DCHS2: variants seen among roughly 807,000 people sequenced by gnomAD.
DCHS2 encodes the protein protocadherin-23.
Under a neutral mutation model 182.4 loss-of-function variants are expected in DCHS2, and 142 were observed. That is an observed-to-expected ratio of 0.78 (90% confidence interval 0.68 to 0.89). The LOEUF is 0.89. Ranked by LOEUF, DCHS2 falls within the 40% of genes least tolerant of loss-of-function variation. The pLI is 0.00. For synonymous variants in DCHS2, 1,740 were observed against 1,663.3 expected, an observed-to-expected ratio of 1.05 and a Z score of -1.12; for missense variants, 4,319 against 4,198.6, an observed-to-expected ratio of 1.03 and a Z score of -0.79.
In DCHS2 at chr4:154,298,357, G is replaced by A; in HGVS notation, c.5957C>T (p.Ser1986Leu). The change falls in exon 13 of 20, where the codon TCA becomes TTA. Residue 1986 changes from serine (S) to leucine (L), a missense_variant. Physicochemically the swap from Ser to Leu is moderately radical, Grantham distance 145. Coordinates refer to ENST00000357232, the MANE Select transcript of DCHS2 (RefSeq NM_001358235.2). The part of the protein sequence containing the change: ...ASGAFTIDPM[S>L]GTLKTSNTLD... ...GGTGTTGCTGGTTTTCAATGTGCCT[G>A]ACATAGGATCAATGGTGAATGCACC... is the stretch of plus-strand genomic sequence containing the variant. The A allele has an allele frequency of 6.2e-7, 1 of 1,614,138 alleles. No homozygotes were observed. Among genetic ancestry groups the A allele is most frequent in the African/African-American group, 1.3e-5 (1 of 75,046 alleles).
intron 9 of DCHS2, among the ~76,000 whole-genome samples, chr4:154,318,218 G>A (rs1006502994): frequency 4.0e-5 from 6 of 150,622 alleles, no homozygotes; most frequent in South Asian, 2.1e-4. Flanking sequence ...ATATGCATAC[G>A]TATATATACG....
At chr4:154,403,025 T>C (rs921756769) in intron 1 of DCHS2, among the ~76,000 whole-genome samples, 1 of 152,260 alleles carries the variant, frequency 6.6e-6, no homozygotes, top group Non-Finnish European at 1.5e-5. Flanking sequence ...ATTGACCTTG[T>C]ATCCTCACAT....
chr4:154,422,817 C>T (rs1733166864), intron 1 of DCHS2, among the ~76,000 whole-genome samples: 1 of 152,112 alleles, frequency 6.6e-6, no homozygotes, highest in African/African-American at 2.4e-5. Flanking sequence ...CCCTTTCTGC[C>T]TGGAATTCTC....
intron 14 of DCHS2, among the ~76,000 whole-genome samples, chr4:154,265,225 C>T (rs1733185057): frequency 6.6e-6 from 1 of 151,916 alleles, no homozygotes; most frequent in African/African-American, 2.4e-5. Context: ...CATTTTTTTT[C>T]ATTTACCGTA....
At chr4:154,398,855 A>G (rs1302364553) in intron 1 of DCHS2, among the ~76,000 whole-genome samples, 1 of 152,230 alleles carries the variant, frequency 6.6e-6, no homozygotes, top group East Asian at 1.9e-4. Flanking sequence ...ATTCTACTAA[A>G]TAGAGGATTA....
At position 154,234,894 on chromosome 4, in the gene DCHS2, T is replaced by C. The variant is rs1731380661; in HGVS notation, c.9758A>G (p.Asp3253Gly). 1 of 1,613,922 alleles carries C rather than the reference T, an allele frequency of 6.2e-7. No individual in the cohort carries two copies. Among genetic ancestry groups the C allele is most frequent in the African/African-American group, 1.3e-5 (1 of 74,928 alleles). The change falls in exon 20 of 20, where the codon GAT becomes GGT. Residue 3253 changes from aspartate to glycine, a missense_variant. Physicochemically the swap from Asp to Gly is moderately conservative, Grantham distance 94. Transcript: ENST00000357232. ...KFQPLASVFNDIAKLKDEHLH... is the reference protein window; with the variant it reads ...KFQPLASVFNGIAKLKDEHLH... The stretch of plus-strand genomic sequence containing the variant: ...ATGTTCATCCTTTAGTTTTGCAATA[T>C]CATTAAATACTGAGGCAAGAGGTTG...
intron 3 of DCHS2, among the ~76,000 whole-genome samples, chr4:154,335,561 C>T (rs1051565628): frequency 3.9e-5 from 6 of 152,278 alleles, no homozygotes; most frequent in Non-Finnish European, 8.8e-5. Context: ...ACTGAAGCAA[C>T]ACTGCCAGCT....
chr4:154,307,369 C>G (rs535066810), intron 10 of DCHS2, among the ~76,000 whole-genome samples: 119 of 152,088 alleles, frequency 7.8e-4, no homozygotes, highest in African/African-American at 2.5e-3. Flanking sequence ...GTGTGTGTGC[C>G]TGTGTATATA....
chr4:154,328,041 T>G (rs1736356074), intron 7 of DCHS2, 52 bp downstream of exon 7: 1 of 1,323,470 alleles, frequency 7.6e-7, no homozygotes, highest in East Asian at 2.5e-5. Flanking sequence ...AGTTGATAAA[T>G]GAAAGCAGAA....
At chr4:154,239,136 C>G in intron 19 of DCHS2, 34 bp downstream of exon 19, 1 of 1,595,566 alleles carries the variant, frequency 6.3e-7, no homozygotes, top group African/African-American at 1.4e-5. Context: ...GAAACCCAAA[C>G]CTATGAGCAT....
intron 2 of DCHS2, among the ~76,000 whole-genome samples, chr4:154,368,344 C>A (rs1042778006): frequency 1.3e-5 from 2 of 151,906 alleles, no homozygotes; most frequent in Admixed American, 1.3e-4. Flanking sequence ...TATTTCTCCT[C>A]AAATTCAAGA....
At chr4:154,483,775 C>A (rs956449738) in intron 1 of DCHS2, among the ~76,000 whole-genome samples, 2 of 151,722 alleles carry the variant, frequency 1.3e-5, no homozygotes, top group Non-Finnish European at 2.9e-5. Flanking sequence ...AAGCACATAG[C>A]ATTATCATCA....
At chr4:154,481,206 T>C (rs572017579) in intron 1 of DCHS2, among the ~76,000 whole-genome samples, 1 of 152,288 alleles carries the variant, frequency 6.6e-6, no homozygotes, top group South Asian at 2.1e-4. Flanking sequence ...CTCTAGCCAT[T>C]TAACATGACT....
intron 2 of DCHS2, among the ~76,000 whole-genome samples, chr4:154,368,460 G>C (rs1232924456): frequency 6.6e-6 from 1 of 151,886 alleles, no homozygotes; most frequent in Non-Finnish European, 1.5e-5. Context: ...TCCTAAATCA[G>C]GCAGTGCTGT....
At chr4:154,373,611 G>A (rs1275290004) in intron 2 of DCHS2, among the ~76,000 whole-genome samples, 1 of 152,116 alleles carries the variant, frequency 6.6e-6, no homozygotes, top group Non-Finnish European at 1.5e-5. Context: ...TCTAGAATTT[G>A]TCTTTTAAAA....
At position 154,235,946 on chromosome 4, in the gene DCHS2, C is replaced by A; in HGVS notation, c.8706G>T (p.Val2902=). 6.2e-7 allele frequency: 1 copy of A among 1,613,974 alleles called. No homozygotes were observed. Reference sequence around the variant, plus strand: ...TACCAGCATCTGCATCTGAGGCTTCCACTCTGCCAATCAACTGTCTGTCTT... The same window carrying A: ...TACCAGCATCTGCATCTGAGGCTTCAACTCTGCCAATCAACTGTCTGTCTT... The part of the protein sequence containing the change: ...KNKDRQLIGR[V]EASDADAGID... Residue 2902 remains valine (V), a synonymous_variant, in exon 20 of 20, where the codon GTG becomes GTT. Transcript: ENST00000357232.
chr4:154,314,937 A>C (rs537614202), intron 10 of DCHS2, among the ~76,000 whole-genome samples: 2 of 152,294 alleles, frequency 1.3e-5, no homozygotes, highest in Admixed American at 6.5e-5. Flanking sequence ...GAAACACAGC[A>C]CTGTAATTTT....
intron 16 of DCHS2, among the ~76,000 whole-genome samples, chr4:154,248,887 A>G (rs570760547): frequency 6.6e-6 from 1 of 152,340 alleles, no homozygotes; most frequent in Non-Finnish European, 1.5e-5. Flanking sequence ...AACCAGATGC[A>G]GAAGAATGAA....
intron 1 of DCHS2, among the ~76,000 whole-genome samples, chr4:154,479,138 CA>C (rs1735812769): frequency 6.6e-6 from 1 of 151,836 alleles, no homozygotes; most frequent in Non-Finnish European, 1.5e-5. Flanking sequence ...AACTATGAGA[CA>C]GAATAAAATG....
Sources: gnomAD v4.1 joint callset for allele counts (sites outside exome capture counted in the v4.1 genomes callset) on GRCh38, gnomAD v4.1.1 for gene constraint, MANE v1.5 for transcripts, NCBI Gene and HGNC (gene_info 2026-07-23, HGNC 2026-07-21) for gene names.